Variants in CEP83 observed in about 807,000 individuals in gnomAD.
The protein encoded by CEP83 is centrosomal protein 83, also known as centrosomal protein of 83 kDa.
A neutral mutation model predicts 101.9 loss-of-function variants in CEP83; 70 were observed. The ratio of observed to expected loss-of-function variants is 0.69; its 90% CI spans 0.57 to 0.84. The LOEUF (loss-of-function observed/expected upper bound fraction) is 0.84. CEP83 is among the 40% of genes least tolerant of loss of function. The pLI, the probability that CEP83 is intolerant of heterozygous loss-of-function variation, is 0.00. For synonymous variants in CEP83, 264 were observed against 267.9 expected (o/e 0.99, Z 0.14); for missense variants, 715 against 787.2 (o/e 0.91, Z 1.10).
intron 1 of CEP83, among the ~76,000 whole-genome samples, chr12:94,455,724 C>T (rs751168984): frequency 6.6e-6 from 1 of 152,210 alleles, no homozygotes; most frequent in Non-Finnish European, 1.5e-5. Context: ...TCCTTAATTT[C>T]TTCCATCCTG....
intron 7 of CEP83, among the ~76,000 whole-genome samples, chr12:94,377,844 T>C (rs1055322831): frequency 6.6e-6 from 1 of 152,206 alleles, no homozygotes; most frequent in Admixed American, 6.5e-5. Flanking sequence ...ATAAATAGTC[T>C]CACAATGAAC....
chr12:94,454,027 G>A (rs778462906), intron 1 of CEP83, among the ~76,000 whole-genome samples: 11 of 151,728 alleles, frequency 7.2e-5, no homozygotes, highest in Non-Finnish European at 1.6e-4. Flanking sequence ...AACCCAGGAG[G>A]CAGAGGTTGC....
intron 1 of CEP83, among the ~76,000 whole-genome samples, chr12:94,437,668 A>T (rs940350743): frequency 6.6e-6 from 1 of 152,208 alleles, no homozygotes; most frequent in Non-Finnish European, 1.5e-5. Context: ...AGTCTTTTTC[A>T]TACAAACGAA....
rs191211323 is a variant in CEP83 at position 94,400,817 on chromosome 12, A to G, written c.549+33T>C. ...TTATAAAATTGTGTTGACCAGAACA[A>G]TAACAAAGAAACTCGTATAATCAAT... On this transcript the variant is annotated intron_variant, in intron 6 of 16. Coordinates refer to ENST00000397809, the MANE Select transcript of CEP83 (RefSeq NM_016122.3). 33 of 1,313,802 alleles carry G rather than the reference A, an allele frequency of 2.5e-5. 1 individual carries two copies. The East Asian group carries it at 9.1e-4, about 36-fold the overall frequency. 81.4% of individuals were successfully genotyped at this position (1,313,802 alleles called of 1,614,324 possible). A position where few individuals can be genotyped will look rare whatever the true frequency, so the allele number is the denominator to read the frequency against.
At chr12:94,455,827 TTGAGGCCAGGAGTTC>T (rs2067627224) in intron 1 of CEP83, among the ~76,000 whole-genome samples, 1 of 152,048 alleles carries the variant, frequency 6.6e-6, no homozygotes, top group Admixed American at 6.6e-5. Context: ...GGTGAATCAC[TTGAGGCCAGGAGTTC>T]CGAGACCAGC....
chr12:94,293,380 C>G, the CEP83 span, among the ~76,000 whole-genome samples: 1 of 152,184 alleles, frequency 6.6e-6, no homozygotes, highest in African/African-American at 2.4e-5. Flanking sequence ...TTTCTGAAAA[C>G]CCATTTCAGC....
the CEP83 span, among the ~76,000 whole-genome samples, chr12:94,280,610 G>A: frequency 1.3e-5 from 2 of 152,154 alleles, no homozygotes; most frequent in East Asian, 3.9e-4. Context: ...TTGGGTGACC[G>A]TTGAGTCACT....
chr12:94,307,377 CA>C (rs1969154575), downstream of CEP83: 1 of 152,142 alleles, frequency 6.6e-6, no homozygotes. Flanking sequence ...AGTAAATGGC[CA>C]AATTAGATGT....
At chr12:94,324,944 T>G (rs2058904379) in intron 14 of CEP83, among the ~76,000 whole-genome samples, 1 of 152,144 alleles carries the variant, frequency 6.6e-6, no homozygotes. Flanking sequence ...GGCCTCCTAC[T>G]ATACCTCTTT....
At chr12:94,399,453 T>C (rs144252967) in intron 6 of CEP83, among the ~76,000 whole-genome samples, 287 of 152,354 alleles carry the variant, frequency 1.9e-3, no homozygotes, top group Non-Finnish European at 2.0e-3. Context: ...TCTATGCCTC[T>C]AATTCCAGCA....
At chr12:94,305,139 TAAAACCACAATATCTAA>T, downstream of CEP83, 1 of 1,360,964 alleles carries the variant, frequency 7.3e-7, no homozygotes, top group Non-Finnish European at 1.0e-6. Context: ...ATTGTAACGC[TAAAACCACAATATCTAA>T]AATAACTGTT....
chr12:94,422,487 T>C (rs559154595), intron 2 of CEP83, among the ~76,000 whole-genome samples: 83 of 152,340 alleles, frequency 5.4e-4, no homozygotes, highest in African/African-American at 1.9e-3. Context: ...CTGTTGTGTA[T>C]GTGGTTATAT....
chr12:94,369,900 AG>A, intron 9 of CEP83, 21 bp downstream of exon 9: 1 of 1,172,816 alleles, frequency 8.5e-7, no homozygotes. Flanking sequence ...CAGCAGCAGC[AG>A]CAAGGGAAAT....
intron 1 of CEP83, among the ~76,000 whole-genome samples, chr12:94,452,530 C>T (rs2138598734): frequency 6.6e-6 from 1 of 152,214 alleles, no homozygotes; most frequent in East Asian, 1.9e-4. Flanking sequence ...CACCTATCTC[C>T]AGACTTCTTA....
At position 94,425,018 on chromosome 12, in the gene CEP83, G is replaced by T. The variant is rs1438948057; in HGVS notation, c.-102+10257C>A. 15 of 1,323,128 alleles carry T rather than the reference G, an allele frequency of 1.1e-5. No individual in the cohort carries two copies. In the Admixed American group the frequency reaches 2.7e-4, roughly 24 times the overall value. 82.0% of individuals were successfully genotyped at this position (1,323,128 alleles called of 1,614,324 possible). The stretch of plus-strand genomic sequence containing the variant: ...GTGAGAGAGAGAGAGAGAGAGAAAG[G>T]GAGGGGGTAAGAAAGACGGGGAGGG... On this transcript the variant is annotated intron_variant, in intron 2 of 16. Transcript: ENST00000397809.
At chr12:94,311,255 T>G (rs907231809) in intron 15 of CEP83, among the ~76,000 whole-genome samples, 1 of 152,194 alleles carries the variant, frequency 6.6e-6, no homozygotes, top group African/African-American at 2.4e-5. Flanking sequence ...TCCTCATAAC[T>G]TTTCCTATGT....
At chr12:94,267,442 G>A in the CEP83 span, among the ~76,000 whole-genome samples, 6,480 of 152,306 alleles carry the variant, frequency 0.043, 215 homozygotes, top group African/African-American at 0.088. Context: ...GATGCTGAAG[G>A]AATTCATGTC....
rs201148634 is a variant in CEP83 at position 94,308,822 on chromosome 12, G to C, written c.2097C>G (p.Ser699=). The C allele has an allele frequency of 1.2e-6, 2 of 1,607,062 alleles. No individual in the cohort carries two copies. The highest frequency in any genetic ancestry group is 1.7e-6 in the Non-Finnish European group (2 of 1,173,998). The stretch of plus-strand genomic sequence containing the variant: ...CTGTTCTCCAAGAACATCATTCTCC[G>C]GAAGATCCAAGTTCCTCTAGTTGTT... The part of the protein sequence containing the change: ...QRKQLEELGS[S]GE Residue 699 remains serine, a synonymous_variant, in exon 17 of 17, where the codon TCC becomes TCG. Coordinates refer to ENST00000397809, the MANE Select transcript of CEP83 (RefSeq NM_016122.3).
intron 1 of CEP83, among the ~76,000 whole-genome samples, chr12:94,451,187 T>C (rs961038865): frequency 6.6e-6 from 1 of 152,140 alleles, no homozygotes; most frequent in African/African-American, 2.4e-5. Context: ...GAATCTTATA[T>C]TTAAAGGAAA....
Sources: allele counts gnomAD v4.1 joint callset (sites outside exome capture counted in the v4.1 genomes callset), GRCh38; gene constraint gnomAD v4.1.1; transcripts MANE v1.5; gene names NCBI Gene and HGNC (gene_info 2026-07-23, HGNC 2026-07-21).